SLC14A2: variants seen among roughly 807,000 people sequenced by gnomAD.
SLC14A2 encodes solute carrier family 14 member 2.
A neutral mutation model predicts 104.6 loss-of-function variants in SLC14A2; 91 were observed. The ratio of observed to expected loss-of-function variants is 0.87; its 90% CI spans 0.73 to 1.04. The LOEUF (loss-of-function observed/expected upper bound fraction) is 1.04. Among genes scored for constraint, SLC14A2 ranks in the 50% least tolerant of loss-of-function variants. The pLI is 0.00. For synonymous variants in SLC14A2, 476 were observed against 466.4 expected (o/e 1.02, Z -0.27); for missense variants, 1,189 against 1,156.0 (o/e 1.03, Z -0.41).
At chr18:45,453,253 G>T (rs1054735773) in intron 1 of SLC14A2, among the ~76,000 whole-genome samples, 23 of 152,116 alleles carry the variant, frequency 1.5e-4, no homozygotes, top group African/African-American at 5.1e-4. Flanking sequence ...GGGATGAATG[G>T]CAGGAGGCTC....
intron 1 of SLC14A2, among the ~76,000 whole-genome samples, chr18:45,237,326 C>T (rs1376857191): frequency 6.6e-6 from 1 of 152,084 alleles, no homozygotes; most frequent in Non-Finnish European, 1.5e-5. Flanking sequence ...ATCCAGGATG[C>T]CCAGGAGAGT....
chr18:45,289,448 T>A (rs1159427112), intron 1 of SLC14A2, among the ~76,000 whole-genome samples: 1 of 152,130 alleles, frequency 6.6e-6, no homozygotes, highest in African/African-American at 2.4e-5. Context: ...GAAACAAAAA[T>A]CTACCTATCA....
In SLC14A2 at chr18:45,667,001, A is replaced by G. The variant is rs138915192; in HGVS notation, c.1624A>G (p.Ile542Val). 6.8e-6 allele frequency: 11 copies of G among 1,613,926 alleles called. No individual in the cohort carries two copies. Among genetic ancestry groups the G allele is most frequent in the Non-Finnish European group, 9.3e-6 (11 of 1,179,918 alleles). Reference protein sequence around the residue: ...VETNISKTSWIRSSMAASGKR... With the variant: ...VETNISKTSWVRSSMAASGKR... ...AACAAACATTTCCAAGACATCCTGG[A>G]TTCGGAGTTCCATGGCTGCCAGTGG... Residue 542 changes from isoleucine (I) to valine (V), a missense_variant, in exon 13 of 20, where the codon ATT (isoleucine) becomes GTT (valine). Coordinates refer to ENST00000255226, the MANE Select transcript of SLC14A2 (RefSeq NM_007163.4).
chr18:45,594,911 T>C (rs1305198695), intron 2 of SLC14A2, among the ~76,000 whole-genome samples: 2 of 152,162 alleles, frequency 1.3e-5, no homozygotes, highest in African/African-American at 4.8e-5. Context: ...CAACTACGCA[T>C]GCCACACCTG....
intron 1 of SLC14A2, among the ~76,000 whole-genome samples, chr18:45,387,101 A>G (rs566508551): frequency 1.3e-5 from 2 of 152,254 alleles, no homozygotes; most frequent in East Asian, 1.9e-4. Flanking sequence ...TTGGGCCCTC[A>G]CAGATATTCT....
chr18:45,450,364 C>A (rs2144609727), intron 1 of SLC14A2, among the ~76,000 whole-genome samples: 1 of 152,242 alleles, frequency 6.6e-6, no homozygotes, highest in South Asian at 2.1e-4. Flanking sequence ...TAGTCTTAAC[C>A]CAGGGTCAAC....
At chr18:45,527,288 A>T (rs1441783427) in intron 2 of SLC14A2, among the ~76,000 whole-genome samples, 2 of 152,222 alleles carry the variant, frequency 1.3e-5, no homozygotes, top group Non-Finnish European at 2.9e-5. Context: ...TCAGCTCCCG[A>T]GATGACGCTA....
chr18:45,177,186 C>A, the SLC14A2 span, among the ~76,000 whole-genome samples: 2 of 152,132 alleles, frequency 1.3e-5, no homozygotes, highest in African/African-American at 4.8e-5. Flanking sequence ...CACTTCCTGC[C>A]ATTCCTACTC....
At chr18:45,488,442 A>G (rs560869636) in intron 2 of SLC14A2, among the ~76,000 whole-genome samples, 2 of 152,294 alleles carry the variant, frequency 1.3e-5, no homozygotes, top group East Asian at 3.9e-4. Flanking sequence ...TTCAGCAGGT[A>G]CTGGTGGTCA....
intron 1 of SLC14A2, among the ~76,000 whole-genome samples, chr18:45,412,256 C>T (rs2086223372): frequency 6.6e-6 from 1 of 152,084 alleles, no homozygotes; most frequent in African/African-American, 2.4e-5. Flanking sequence ...GGATTTTTTT[C>T]CACAGTGAAC....
chr18:45,343,701 GAAGCCTTTGAAAGGATTCCTGA>G (rs2085419983), intron 1 of SLC14A2, among the ~76,000 whole-genome samples: 1 of 152,130 alleles, frequency 6.6e-6, no homozygotes, highest in Non-Finnish European at 1.5e-5. Context: ...TTGCCTTTGT[GAAGCCTTTGAAAGGATTCCTGA>G]GTCCCTGACT....
intron 2 of SLC14A2, among the ~76,000 whole-genome samples, chr18:45,558,342 A>G (rs1218337848): frequency 6.6e-6 from 1 of 152,190 alleles, no homozygotes; most frequent in Non-Finnish European, 1.5e-5. Flanking sequence ...TACAGTATTA[A>G]TCTGTGAGTC....
intron 1 of SLC14A2, among the ~76,000 whole-genome samples, chr18:45,287,653 C>A (rs1307969944): frequency 6.6e-6 from 1 of 152,246 alleles, no homozygotes; most frequent in Non-Finnish European, 1.5e-5. Context: ...ACTCCTCATT[C>A]TGCCCCATCC....
At chr18:45,609,554 T>C (rs1330337842) in intron 2 of SLC14A2, among the ~76,000 whole-genome samples, 1 of 152,184 alleles carries the variant, frequency 6.6e-6, no homozygotes, top group Admixed American at 6.5e-5. Flanking sequence ...CAAGACTCCA[T>C]GAGGGTACCA....
At chr18:45,466,444 T>C (rs1006668856) in intron 1 of SLC14A2, among the ~76,000 whole-genome samples, 7 of 151,550 alleles carry the variant, frequency 4.6e-5, no homozygotes, top group Admixed American at 3.9e-4. Flanking sequence ...CTAGCAAAGC[T>C]GAGCAGCATG....
At chr18:45,392,003 T>G (rs543198449) in intron 1 of SLC14A2, among the ~76,000 whole-genome samples, 1 of 152,258 alleles carries the variant, frequency 6.6e-6, no homozygotes, top group Non-Finnish European at 1.5e-5. Flanking sequence ...TCCTTGCCCA[T>G]GCCTATGTCC....
At chr18:45,205,580 T>C in the SLC14A2 span, among the ~76,000 whole-genome samples, 2 of 152,072 alleles carry the variant, frequency 1.3e-5, no homozygotes, top group Non-Finnish European at 2.9e-5. Flanking sequence ...GATGGAAAAA[T>C]AGATCGGGTA....
chr18:45,663,381 AT>A (rs747729490), intron 10 of SLC14A2, among the ~76,000 whole-genome samples: 6 of 152,148 alleles, frequency 3.9e-5, no homozygotes, highest in Non-Finnish European at 8.8e-5. Flanking sequence ...GAGCTCAGGC[AT>A]TTTTTTAAAG....
chr18:45,435,706 A>T (rs1478313771), intron 1 of SLC14A2, among the ~76,000 whole-genome samples: 1 of 152,216 alleles, frequency 6.6e-6, no homozygotes, highest in East Asian at 1.9e-4. Flanking sequence ...GATAGTGCCT[A>T]GTGGCTTGTC....
Sources: allele counts gnomAD v4.1 joint callset (sites outside exome capture counted in the v4.1 genomes callset), GRCh38; gene constraint gnomAD v4.1.1; transcripts MANE v1.5; gene names NCBI Gene and HGNC (gene_info 2026-07-23, HGNC 2026-07-21).